PUS7: variants seen among roughly 807,000 people sequenced by gnomAD.
The protein encoded by PUS7 is pseudouridine synthase 7.
Under a neutral mutation model 79.8 loss-of-function variants are expected in PUS7, and 48 were observed. The ratio of observed to expected loss-of-function variants is 0.60; its 90% CI spans 0.48 to 0.76. The LOEUF is 0.76. Among genes scored for constraint, PUS7 ranks in the 30% least tolerant of loss-of-function variants. PUS7 has a pLI of 0.00. For synonymous variants in PUS7, 286 were observed against 272.2 expected (o/e 1.05, Z -0.50); for missense variants, 729 against 797.6 (o/e 0.91, Z 1.04).
At chr7:105,489,232 TCA>T (rs1205667699) in intron 7 of PUS7, among the ~76,000 whole-genome samples, 3 of 148,492 alleles carry the variant, frequency 2.0e-5, no homozygotes, top group African/African-American at 5.0e-5. Flanking sequence ...GAAACAAAAT[TCA>T]CAGAGCCAGC....
intron 4 of PUS7, among the ~76,000 whole-genome samples, chr7:105,504,129 G>A (rs2133232684): frequency 6.8e-6 from 1 of 147,872 alleles, no homozygotes; most frequent in African/African-American, 2.5e-5. Context: ...GAGTGCAATG[G>A]CACGATCTCG....
At chr7:105,494,172 A>G (rs1204141087) in intron 6 of PUS7, among the ~76,000 whole-genome samples, 1 of 152,330 alleles carries the variant, frequency 6.6e-6, no homozygotes, top group East Asian at 1.9e-4. Flanking sequence ...ACGTCAAAGG[A>G]TAAGTATAGG....
intron 12 of PUS7, among the ~76,000 whole-genome samples, chr7:105,467,439 G>A (rs1040717646): frequency 2.6e-5 from 4 of 151,506 alleles, no homozygotes; most frequent in Non-Finnish European, 4.4e-5. Context: ...ACAGGCGCCT[G>A]CCACCACGCC....
In PUS7 at chr7:105,514,529, G is replaced by A. The variant is rs1042216921; in HGVS notation, c.-32-5985C>T. On this transcript the variant is annotated intron_variant, in intron 1 of 15. Transcript: ENST00000469408. ...TGAGGCAGGAGAATGGCGTGAACCC[G>A]GGAGGCCGAGCTTGCAGTGAGCCGA... is the stretch of plus-strand genomic sequence containing the variant. Among the ~76,000 whole-genome samples, 30 of 142,766 alleles carry A rather than the reference G, an allele frequency of 2.1e-4. No homozygotes were observed. The East Asian group carries it at 2.5e-3, about 12-fold the overall frequency. 93.7% of individuals were successfully genotyped at this position (142,766 alleles called of 152,430 possible). A position where few individuals can be genotyped will look rare whatever the true frequency, so the allele number is the denominator to read the frequency against.
At chr7:105,491,460 C>A (rs1824776203) in intron 7 of PUS7, 80 bp downstream of exon 7, 5 of 885,340 alleles carry the variant, frequency 5.6e-6, no homozygotes, top group African/African-American at 1.7e-5. Flanking sequence ...AGAGAGAAAC[C>A]CCCAAAGTAA....
At chr7:105,473,269 T>C (rs1239820414) in intron 9 of PUS7, among the ~76,000 whole-genome samples, 2 of 152,108 alleles carry the variant, frequency 1.3e-5, no homozygotes, top group African/African-American at 4.8e-5. Context: ...TTTTATTTGT[T>C]GAGACAGTCT....
At chr7:105,509,299 T>A (rs571947544) in intron 1 of PUS7, among the ~76,000 whole-genome samples, 1 of 151,704 alleles carries the variant, frequency 6.6e-6, no homozygotes, top group East Asian at 1.9e-4. Flanking sequence ...TTCTTCCAGA[T>A]GTTGGCATAC....
Position 105,484,901 on chromosome 7 carries a change from C to T in PUS7, c.921-2461G>A, listed in dbSNP as rs1214162591. Among the ~76,000 whole-genome samples, 8 of 140,376 alleles carry T rather than the reference C, an allele frequency of 5.7e-5. No homozygotes were observed. The East Asian group carries it at 1.3e-3, about 23-fold the overall frequency. The allele number at this position is 140,376 out of a possible 152,430, so 92.1% of individuals were successfully genotyped here. On this transcript the variant is annotated intron_variant, in intron 7 of 15. Coordinates refer to ENST00000469408, the MANE Select transcript of PUS7 (RefSeq NM_019042.5). ...TTTAAGACGGAGTCTTGCTCTGTGTCGCCCAGGCTGGAGTGCAGTGGCATG... is the reference window on the plus strand; with the variant it reads ...TTTAAGACGGAGTCTTGCTCTGTGTTGCCCAGGCTGGAGTGCAGTGGCATG...
chr7:105,502,336 G>T, intron 5 of PUS7, 84 bp downstream of exon 5: 1 of 1,516,376 alleles, frequency 6.6e-7, no homozygotes. Flanking sequence ...AGTAGCCCTT[G>T]AACACGAACG....
chr7:105,508,331 G>A lies in PUS7; in HGVS notation c.182C>T (p.Pro61Leu). The A allele has an allele frequency of 1.9e-6, 3 of 1,614,144 alleles. No individual in the cohort carries two copies. Among genetic ancestry groups the A allele is most frequent in the East Asian group, 2.2e-5 (1 of 44,876 alleles). Residue 61 changes from proline (P) to leucine (L), a missense_variant, in exon 2 of 16, where the codon CCT (proline) becomes CTT (leucine). Physicochemically the swap from Pro to Leu is moderately conservative, Grantham distance 98 (BLOSUM62 -3). Coordinates refer to ENST00000469408, the MANE Select transcript of PUS7 (RefSeq NM_019042.5). Reference protein sequence around the residue: ...FLSISEDVPRPPDTVSTGKGG... With the variant: ...FLSISEDVPRLPDTVSTGKGG... The stretch of plus-strand genomic sequence containing the variant: ...TTTCCCAGTACTGACAGTGTCAGGA[G>A]GCCGAGGCACGTCTTCACTGATGGA...
intron 1 of PUS7, among the ~76,000 whole-genome samples, chr7:105,520,883 C>CT (rs1323875727): frequency 6.6e-6 from 1 of 151,664 alleles, no homozygotes; most frequent in Non-Finnish European, 1.5e-5. Context: ...TGGCACATGC[C>CT]TATAGTCCCA....
intron 4 of PUS7, 127 bp from the exon 5 acceptor site, chr7:105,502,691 G>A (rs978395782): frequency 5.7e-6 from 6 of 1,047,254 alleles, no homozygotes; most frequent in Non-Finnish European, 4.2e-6. Context: ...GCCTGCATAC[G>A]ATTTCAAAAA....
rs1286989432 is a variant in PUS7 at position 105,470,722 on chromosome 7, T to C, written c.1364A>G (p.Tyr455Cys). ...TGCAGAGACTATATTCTTCATTCCA[T>C]ATTTTGAAAGTCCTCGAAGCAGCTG... Reference protein sequence around the residue: ...EGQLLRGLSKYGMKNIVSAFG... With the variant: ...EGQLLRGLSKCGMKNIVSAFG... Residue 455 changes from tyrosine to cysteine, a missense_variant, in exon 11 of 16, where the codon TAT (tyrosine) becomes TGT (cysteine). Transcript: ENST00000469408. 6.2e-7 allele frequency: 1 copy of C among 1,609,384 alleles called. No homozygotes were observed. The highest frequency in any genetic ancestry group is 2.2e-5 in the East Asian group (1 of 44,778).
At position 105,459,253 on chromosome 7, in the gene PUS7, G is replaced by C. The variant is rs762319736; in HGVS notation, c.1764C>G (p.Val588=). Residue 588 remains valine, a synonymous_variant, in exon 15 of 16, where the codon GTC becomes GTG. Coordinates refer to ENST00000469408, the MANE Select transcript of PUS7 (RefSeq NM_019042.5). ...IIRPQNVSWE[V]VAYDDPKIPL... is the part of the protein sequence containing the mutation. ...GAATTTTGGGATCATCATATGCAAC[G>C]ACTTCCCTTCAAAACATATGAATAA... The C allele has an allele frequency of 2.5e-6, 4 of 1,606,536 alleles. No homozygotes were observed. Among genetic ancestry groups the C allele is most frequent in the Non-Finnish European group, 3.4e-6 (4 of 1,174,062 alleles).
chr7:105,501,892 T>C (rs1289055130), intron 5 of PUS7, among the ~76,000 whole-genome samples: 1 of 149,942 alleles, frequency 6.7e-6, no homozygotes, highest in African/African-American at 2.5e-5. Flanking sequence ...GAGGCGGAGC[T>C]TGCAGTGAGC....
intron 7 of PUS7, among the ~76,000 whole-genome samples, chr7:105,487,789 C>G (rs1176498721): frequency 6.6e-6 from 1 of 152,160 alleles, no homozygotes; most frequent in Non-Finnish European, 1.5e-5. Context: ...CTGGCAGGAA[C>G]AGGCAGGAAA....
chr7:105,515,785 A>ATTTT (rs1351133206), intron 1 of PUS7, among the ~76,000 whole-genome samples: 1,405 of 9,090 alleles, frequency 0.15, 10 homozygotes, highest in South Asian at 0.27. Context: ...TTTGTATTTT[A>ATTTT]TTTTATTTTA....
intron 1 of PUS7, among the ~76,000 whole-genome samples, chr7:105,508,863 C>T (rs1252851729): frequency 8.3e-5 from 4 of 48,464 alleles, no homozygotes; most frequent in Non-Finnish European, 1.5e-4. Flanking sequence ...CAGAGTGAGA[C>T]ATTGTCTTAA....
intron 2 of PUS7, among the ~76,000 whole-genome samples, chr7:105,507,910 C>CA (rs927346573): frequency 7.3e-5 from 11 of 151,262 alleles, no homozygotes; most frequent in African/African-American, 2.7e-4. Context: ...GACCCTCTCT[C>CA]AAAAAAAGGG....
Sources: allele counts gnomAD v4.1 joint callset (sites outside exome capture counted in the v4.1 genomes callset), GRCh38; gene constraint gnomAD v4.1.1; transcripts MANE v1.5; gene names NCBI Gene and HGNC (gene_info 2026-07-23, HGNC 2026-07-21).